Variants in ABTB2 observed in about 807,000 individuals in gnomAD.
ABTB2 encodes the protein ankyrin repeat and BTB/POZ domain-containing protein 2.
In ABTB2, 56 loss-of-function variants were observed where a neutral mutation model predicts 104.1. The observed-to-expected ratio is 0.54, with a 90% CI of 0.43 to 0.67. The LOEUF (loss-of-function observed/expected upper bound fraction) is 0.67, where lower values mean the gene tolerates loss of function less well. Among genes scored for constraint, ABTB2 ranks in the 30% least tolerant of loss-of-function variants. The pLI is 0.00. For synonymous variants in ABTB2, 606 were observed against 608.2 expected (o/e 1.00, Z 0.05); for missense variants, 1,279 against 1,407.7 (o/e 0.91, Z 1.46).
At chr11:34,270,722 T>TG (rs1263332446) in intron 1 of ABTB2, among the ~76,000 whole-genome samples, 6 of 152,222 alleles carry the variant, frequency 3.9e-5, no homozygotes, top group Admixed American at 2.6e-4. Context: ...AAGTGGAGTT[T>TG]GGGGGGTGGG....
chr11:34,355,098 G>A (rs1197974204), intron 1 of ABTB2, among the ~76,000 whole-genome samples: 2 of 152,206 alleles, frequency 1.3e-5, no homozygotes, highest in Non-Finnish European at 2.9e-5. Context: ...TCAATTCCCA[G>A]CATCTCCTTT....
chr11:34,336,914 C>A (rs973249032), intron 1 of ABTB2, among the ~76,000 whole-genome samples: 3 of 152,086 alleles, frequency 2.0e-5, no homozygotes, highest in African/African-American at 7.2e-5. Context: ...TTAATCTTGT[C>A]CACAACTATC....
intron 1 of ABTB2, among the ~76,000 whole-genome samples, chr11:34,290,284 C>T (rs775288952): frequency 2.0e-5 from 3 of 152,226 alleles, no homozygotes; most frequent in Admixed American, 6.5e-5. Flanking sequence ...CAAGACTGTA[C>T]CTGGACTTAA....
chr11:34,289,954 A>G (rs1305254161), intron 1 of ABTB2, among the ~76,000 whole-genome samples: 1 of 152,248 alleles, frequency 6.6e-6, no homozygotes, highest in Non-Finnish European at 1.5e-5. Flanking sequence ...AAGGCCTGTA[A>G]CTAACTATAG....
At chr11:34,303,811 T>G (rs1471454194) in intron 1 of ABTB2, among the ~76,000 whole-genome samples, 1 of 151,840 alleles carries the variant, frequency 6.6e-6, no homozygotes, top group African/African-American at 2.4e-5. Context: ...CCCAGCTAAT[T>G]TTTGTATTTT....
At chr11:34,179,427 AG>A (rs1852998265) in intron 3 of ABTB2, among the ~76,000 whole-genome samples, 1 of 152,214 alleles carries the variant, frequency 6.6e-6, no homozygotes, top group Non-Finnish European at 1.5e-5. Flanking sequence ...GCTGATGGCT[AG>A]GACAAAGCTG....
intron 1 of ABTB2, among the ~76,000 whole-genome samples, chr11:34,268,461 C>G (rs955856673): frequency 2.0e-5 from 3 of 152,170 alleles, no homozygotes; most frequent in Admixed American, 2.0e-4. Flanking sequence ...AATCAGAGGG[C>G]CTGGGTTTGA....
intron 3 of ABTB2, among the ~76,000 whole-genome samples, chr11:34,174,305 AC>A (rs1277168737): frequency 7.0e-6 from 1 of 141,846 alleles, no homozygotes; most frequent in Non-Finnish European, 1.5e-5. Context: ...AGCCTGGGCG[AC>A]AGGGCGAGAC....
intron 2 of ABTB2, among the ~76,000 whole-genome samples, chr11:34,202,221 T>A (rs1188127649): frequency 6.6e-6 from 1 of 152,152 alleles, no homozygotes; most frequent in Admixed American, 6.5e-5. Context: ...GTGGTACTCA[T>A]GGAAGGCCTG....
chr11:34,266,548 G>A (rs1210748976), intron 1 of ABTB2, among the ~76,000 whole-genome samples: 1 of 152,102 alleles, frequency 6.6e-6, no homozygotes, highest in Non-Finnish European at 1.5e-5. Flanking sequence ...CTGAGCAAAG[G>A]CCTTAATTGT....
chr11:34,313,929 C>T (rs545210041), intron 1 of ABTB2, among the ~76,000 whole-genome samples: 2 of 152,318 alleles, frequency 1.3e-5, no homozygotes, highest in Non-Finnish European at 2.9e-5. Flanking sequence ...ACGTTAAGGC[C>T]GAGTTCTCCT....
At chr11:34,244,360 A>T (rs1396755419) in intron 1 of ABTB2, among the ~76,000 whole-genome samples, 1 of 152,238 alleles carries the variant, frequency 6.6e-6, no homozygotes, top group Non-Finnish European at 1.5e-5. Flanking sequence ...GGAAAAGCAG[A>T]TCAGCAGCAG....
chr11:34,174,348 AAAG>A (rs1394159906), intron 3 of ABTB2, among the ~76,000 whole-genome samples: 61 of 150,286 alleles, frequency 4.1e-4, no homozygotes, highest in African/African-American at 1.5e-3. Flanking sequence ...AAAAAAAAAA[AAAG>A]AAAGAAAAAG....
chr11:34,240,417 C>A (rs967270917), intron 1 of ABTB2, among the ~76,000 whole-genome samples: 1 of 152,226 alleles, frequency 6.6e-6, no homozygotes, highest in African/African-American at 2.4e-5. Flanking sequence ...CCCCAAGAAA[C>A]GGCTTTGCTT....
At chr11:34,229,783 TAG>T (rs1451775353) in intron 1 of ABTB2, among the ~76,000 whole-genome samples, 1 of 152,190 alleles carries the variant, frequency 6.6e-6, no homozygotes, top group Non-Finnish European at 1.5e-5. Flanking sequence ...TCCCATCACT[TAG>T]AGAGAAGTAT....
chr11:34,211,669 G>T (rs937870062), intron 1 of ABTB2, among the ~76,000 whole-genome samples: 2 of 152,010 alleles, frequency 1.3e-5, no homozygotes, highest in Non-Finnish European at 2.9e-5. Context: ...CAAGGCAGGA[G>T]GATCACTTGA....
rs553114446 is a variant in ABTB2, at chr11:34,350,597, A to C, written c.883+6104T>G. Among the ~76,000 whole-genome samples, 7 of 152,272 alleles carry C rather than the reference A, an allele frequency of 4.6e-5. 1 individual carries two copies. On this transcript the variant is annotated intron_variant, in intron 1 of 16. Transcript: ENST00000435224. ...AGCAGCATTTAAACAGAGTAACAGC[A>C]ACCTTTGGAGGAAGATACACCCCTG...
At chr11:34,185,866 T>A (rs1042879789) in intron 3 of ABTB2, among the ~76,000 whole-genome samples, 1 of 152,242 alleles carries the variant, frequency 6.6e-6, no homozygotes, top group African/African-American at 2.4e-5. Flanking sequence ...TTTGAGGCAA[T>A]GGACATGCTA....
intron 3 of ABTB2, among the ~76,000 whole-genome samples, chr11:34,194,987 A>C (rs1314173662): frequency 2.7e-5 from 4 of 150,786 alleles, no homozygotes; most frequent in Non-Finnish European, 3.0e-5. Context: ...AACTCAGATC[A>C]TGAAGAAACC....
Sources: gnomAD v4.1 joint callset for allele counts (sites outside exome capture counted in the v4.1 genomes callset) on GRCh38, gnomAD v4.1.1 for gene constraint, MANE v1.5 for transcripts, NCBI Gene and HGNC (gene_info 2026-07-23, HGNC 2026-07-21) for gene names.